SORCS2: variants seen among roughly 807,000 people sequenced by gnomAD.
SORCS2 encodes the protein VPS10 domain-containing receptor SorCS2.
SORCS2 carries 100 observed loss-of-function variants against 141.6 expected under a neutral mutation model. The ratio of observed to expected loss-of-function variants is 0.71; its 90% CI spans 0.60 to 0.83. The LOEUF is 0.83. Among genes scored for constraint, SORCS2 ranks in the 40% least tolerant of loss-of-function variants. The pLI is 0.00. For missense variants in SORCS2, 1,646 were observed against 1,560.2 expected, an observed-to-expected ratio of 1.05 and a Z score of -0.93; for synonymous variants, 789 against 676.9, an observed-to-expected ratio of 1.17 and a Z score of -2.57.
intron 2 of SORCS2, among the ~76,000 whole-genome samples, chr4:7,515,552 C>T (rs1310472017): frequency 6.6e-6 from 1 of 152,228 alleles, no homozygotes; most frequent in African/African-American, 2.4e-5. Context: ...TTCCTCAGCA[C>T]ATTGAGGAGG....
At chr4:7,279,246 T>A (rs1297922530) in intron 1 of SORCS2, among the ~76,000 whole-genome samples, 1 of 152,010 alleles carries the variant, frequency 6.6e-6, no homozygotes, top group African/African-American at 2.4e-5. Context: ...AAAAATAAAA[T>A]CAGCAAGAAA....
At chr4:7,443,591 G>A (rs10006762) in intron 2 of SORCS2, among the ~76,000 whole-genome samples, 95,980 of 152,042 alleles carry the variant, frequency 0.63, 30,501 homozygotes, top group Middle Eastern at 0.74. Flanking sequence ...CGTGTCCTAA[G>A]GCTTAGCCTT....
At chr4:7,314,198 T>A (rs959306038) in intron 1 of SORCS2, among the ~76,000 whole-genome samples, 15 of 152,198 alleles carry the variant, frequency 9.9e-5, no homozygotes, top group Middle Eastern at 3.4e-3. Flanking sequence ...GAGGAGAGGC[T>A]GGGCAGGGGC....
intron 3 of SORCS2, among the ~76,000 whole-genome samples, chr4:7,611,852 A>G (rs111435782): frequency 0.014 from 2,202 of 152,372 alleles, 72 homozygotes; most frequent in African/African-American, 0.05. Context: ...GACAGAGGCC[A>G]TAGGCCTGCA....
At position 7,447,494 on chromosome 4, in the gene SORCS2, C is replaced by T. The variant is rs189462257; in HGVS notation, c.548+51139C>T. Among the ~76,000 whole-genome samples the T allele has an allele frequency of 3.3e-4, 51 of 152,270 alleles. 1 individual carries two copies. The East Asian group carries it at 7.9e-3, about 24-fold the overall frequency. On this transcript the variant is annotated intron_variant, in intron 2 of 26. Transcript: ENST00000507866. ...CAGGGTTGACCTGAATTTACACTTCCGATGAAGCCAGTATGTGCACTTGGA... is the reference window on the plus strand; with the variant it reads ...CAGGGTTGACCTGAATTTACACTTCTGATGAAGCCAGTATGTGCACTTGGA...
At chr4:7,504,126 C>T (rs757111291) in intron 2 of SORCS2, among the ~76,000 whole-genome samples, 6 of 152,220 alleles carry the variant, frequency 3.9e-5, no homozygotes, top group Admixed American at 2.0e-4. Context: ...GGGCCTCTGT[C>T]GCAGCTCACA....
chr4:7,670,012 C>A (rs1375892037), intron 8 of SORCS2, among the ~76,000 whole-genome samples: 1 of 152,190 alleles, frequency 6.6e-6, no homozygotes, highest in Non-Finnish European at 1.5e-5. Flanking sequence ...TGCAATGAAT[C>A]TATGTGTGCC....
At chr4:7,418,708 C>CCCA (rs1560268549) in intron 2 of SORCS2, among the ~76,000 whole-genome samples, 1 of 115,828 alleles carries the variant, frequency 8.6e-6, no homozygotes. Flanking sequence ...AATGACCCCC[C>CCCA]CCCCCACCAG....
chr4:7,350,006 T>G (rs776329454), intron 1 of SORCS2, among the ~76,000 whole-genome samples: 1 of 152,148 alleles, frequency 6.6e-6, no homozygotes, highest in Non-Finnish European at 1.5e-5. Flanking sequence ...CTGGCCCCAG[T>G]TGTCACCAAG....
chr4:7,403,998 T>TATATGTA (rs59841056), intron 2 of SORCS2, among the ~76,000 whole-genome samples: 1 of 12,430 alleles, frequency 8.0e-5, no homozygotes, highest in East Asian at 2.5e-3. Flanking sequence ...TATATATATA[T>TATATGTA]TTTTTTTTTT....
intron 3 of SORCS2, among the ~76,000 whole-genome samples, chr4:7,616,768 G>A (rs1228138273): frequency 6.6e-6 from 1 of 152,248 alleles, no homozygotes; most frequent in South Asian, 2.1e-4. Context: ...TAAAGAGCTT[G>A]TTTTAAAAAC....
At chr4:7,255,893 A>C (rs866031201) in intron 1 of SORCS2, among the ~76,000 whole-genome samples, 265 of 11,190 alleles carry the variant, frequency 0.024, no homozygotes, top group Admixed American at 0.046. Context: ...GAGCGTGGGG[A>C]CCCGGGGCTG....
intron 26 of SORCS2, among the ~76,000 whole-genome samples, chr4:7,738,355 C>T (rs529761362): frequency 6.6e-6 from 1 of 152,238 alleles, no homozygotes; most frequent in Non-Finnish European, 1.5e-5. Flanking sequence ...AGGAGGCAGG[C>T]TCTTCCCTAG....
rs1451365010 is a variant in SORCS2 at position 7,682,655 on chromosome 4, C to T, written c.1342-88C>T. 7 of 1,374,692 alleles carry T rather than the reference C, an allele frequency of 5.1e-6. No homozygotes were observed. The African/African-American group carries it at 8.7e-5, about 17-fold the overall frequency. The allele number at this position is 1,374,692 out of a possible 1,614,324, so 85.2% of individuals were successfully genotyped here. A position where few individuals can be genotyped will look rare whatever the true frequency, so the allele number is the denominator to read the frequency against. ...GAAATGAGGCCACATGTGCAGAGCA[C>T]TTTAGCAAGGGGCTGGAGCATGGTG... On this transcript the variant is annotated intron_variant, in intron 9 of 26. Transcript: ENST00000507866.
At chr4:7,590,536 G>A (rs2108774006) in intron 3 of SORCS2, among the ~76,000 whole-genome samples, 1 of 152,314 alleles carries the variant, frequency 6.6e-6, no homozygotes, top group South Asian at 2.1e-4. Flanking sequence ...TGGGTGTCAG[G>A]CAGCATTCTC....
chr4:7,661,673 A>G, intron 6 of SORCS2, 109 bp downstream of exon 6: 1 of 1,002,228 alleles, frequency 1.0e-6, no homozygotes, highest in Non-Finnish European at 1.5e-6. Flanking sequence ...GGCCCTACAC[A>G]GCCGGCCTCA....
At chr4:7,368,557 C>T (rs148525712) in intron 1 of SORCS2, among the ~76,000 whole-genome samples, 68 of 152,342 alleles carry the variant, frequency 4.5e-4, no homozygotes, top group Non-Finnish European at 8.1e-4. Context: ...CCAGCCACGC[C>T]TCTCTTTAGG....
At position 7,434,784 on chromosome 4, in the gene SORCS2, C is replaced by T. The variant is rs78978752; in HGVS notation, c.548+38429C>T. The T allele has an allele frequency of 2.5e-6, 4 of 1,611,586 alleles. No individual in the cohort carries two copies. The African/African-American group carries it at 5.3e-5, about 22-fold the overall frequency. The stretch of plus-strand genomic sequence containing the variant: ...CAGCTGTCTGCAGATCCTGACACCA[C>T]ACCGTGGAGCCCTTTGCACACTCCT... On this transcript the variant is annotated intron_variant, in intron 2 of 26. Coordinates refer to ENST00000507866, the MANE Select transcript of SORCS2 (RefSeq NM_020777.3).
intron 2 of SORCS2, among the ~76,000 whole-genome samples, chr4:7,464,596 A>G (rs1729498016): frequency 6.6e-6 from 1 of 152,220 alleles, no homozygotes; most frequent in African/African-American, 2.4e-5. Flanking sequence ...GTGTTGCATC[A>G]AGAATGGATT....
Sources: allele counts gnomAD v4.1 joint callset (sites outside exome capture counted in the v4.1 genomes callset), GRCh38; gene constraint gnomAD v4.1.1; transcripts MANE v1.5; gene names NCBI Gene and HGNC (gene_info 2026-07-23, HGNC 2026-07-21).